Variants in GRIP1 observed in about 807,000 individuals in gnomAD.
GRIP1 encodes the protein glutamate receptor interacting protein 1.
GRIP1 carries 45 observed loss-of-function variants against 129.9 expected under a neutral mutation model. The observed-to-expected ratio is 0.35, with a 90% CI of 0.27 to 0.44. GRIP1 has a LOEUF of 0.44. Ranked by LOEUF, GRIP1 falls within the 20% of genes least tolerant of loss-of-function variation. GRIP1 has a pLI of 1.00. For synonymous variants in GRIP1, 530 were observed against 520.8 expected, an observed-to-expected ratio of 1.02 and a Z score of -0.24; for missense variants, 1,196 against 1,396.8, an observed-to-expected ratio of 0.86 and a Z score of 2.29.
intron 2 of GRIP1, among the ~76,000 whole-genome samples, chr12:66,582,530 C>A (rs1360138886): frequency 3.5e-4 from 51 of 144,244 alleles, no homozygotes; most frequent in Middle Eastern, 3.4e-3. Flanking sequence ...CCAAAATCTC[C>A]TTAAGCTGAT....
intron 1 of GRIP1, among the ~76,000 whole-genome samples, chr12:66,908,490 A>G (rs1305949216): frequency 6.6e-6 from 1 of 152,172 alleles, no homozygotes; most frequent in Non-Finnish European, 1.5e-5. Flanking sequence ...GTCATGGGTG[A>G]CCTTTGTTAG....
rs143304163 is a variant in GRIP1, at chr12:66,493,557, C to T, written c.724+22062G>A. On this transcript the variant is annotated intron_variant, in intron 7 of 24. Coordinates refer to ENST00000359742, the MANE Select transcript of GRIP1 (RefSeq NM_001366722.1). ...CCACTGGAACATATACTACCACTAA[C>T]AGAAATTGAGGGAACTCCTGAAATA... is the stretch of plus-strand genomic sequence containing the variant. Among the ~76,000 whole-genome samples, 92 of 152,204 alleles carry T rather than the reference C, an allele frequency of 6.0e-4. 1 individual carries two copies. The highest frequency in any genetic ancestry group is 2.1e-3 in the African/African-American group (86 of 41,534).
chr12:66,901,843 A>G (rs952660032), intron 1 of GRIP1, among the ~76,000 whole-genome samples: 1 of 152,224 alleles, frequency 6.6e-6, no homozygotes, highest in East Asian at 1.9e-4. Flanking sequence ...ATAATGAACT[A>G]AAGTTCCATT....
At chr12:66,522,938 G>A (rs2061073087) in intron 5 of GRIP1, among the ~76,000 whole-genome samples, 1 of 152,150 alleles carries the variant, frequency 6.6e-6, no homozygotes, top group South Asian at 2.1e-4. Context: ...AGTGATGGAA[G>A]ATGAAATGAA....
chr12:66,718,414 A>C (rs755824995), intron 1 of GRIP1, among the ~76,000 whole-genome samples: 1 of 152,176 alleles, frequency 6.6e-6, no homozygotes, highest in Non-Finnish European at 1.5e-5. Flanking sequence ...ATAAAATTAA[A>C]ATTATTCTAA....
Position 66,464,122 on chromosome 12 carries a change from G to T in GRIP1, c.873-1029C>A, listed in dbSNP as rs1281832271. 2.6e-5 allele frequency among the ~76,000 whole-genome samples: 4 copies of T among 152,168 alleles called. No homozygotes were observed. The East Asian group carries it at 7.7e-4, about 29-fold the overall frequency. On this transcript the variant is annotated intron_variant, in intron 8 of 24. Coordinates refer to ENST00000359742, the MANE Select transcript of GRIP1 (RefSeq NM_001366722.1). ...TACAGGGGAGACTGGTCATTCAGGT[G>T]CAGTATATCTATAAATTCCCAGTGT... is the stretch of plus-strand genomic sequence containing the variant.
intron 7 of GRIP1, among the ~76,000 whole-genome samples, chr12:66,504,739 A>T (rs2060480985): frequency 6.6e-6 from 1 of 152,214 alleles, no homozygotes; most frequent in African/African-American, 2.4e-5. Flanking sequence ...GTGATACTTT[A>T]TCATTTATTT....
intron 1 of GRIP1, among the ~76,000 whole-genome samples, chr12:66,755,855 G>A (rs1400967260): frequency 3.3e-5 from 5 of 152,146 alleles, no homozygotes; most frequent in Non-Finnish European, 7.3e-5. Context: ...TTTCACTGTT[G>A]TGGAGTGTGG....
At chr12:67,066,058 G>T (rs568294664) in intron 1 of GRIP1, among the ~76,000 whole-genome samples, 1 of 152,284 alleles carries the variant, frequency 6.6e-6, no homozygotes, top group African/African-American at 2.4e-5. Context: ...TAGCGTACAT[G>T]GGTGAGTCTT....
chr12:66,821,952 C>T (rs193153161), intron 1 of GRIP1, among the ~76,000 whole-genome samples: 22 of 152,136 alleles, frequency 1.4e-4, no homozygotes, highest in Middle Eastern at 6.8e-3. Flanking sequence ...ATGAGCATAC[C>T]TTGGACCAGA....
At chr12:66,784,702 A>G (rs1363251436) in intron 1 of GRIP1, among the ~76,000 whole-genome samples, 1 of 152,172 alleles carries the variant, frequency 6.6e-6, no homozygotes. Flanking sequence ...TTTTTTAAAA[A>G]CTACTCCCTG....
At chr12:66,604,275 G>A (rs1321032062) in intron 1 of GRIP1, among the ~76,000 whole-genome samples, 4 of 152,192 alleles carry the variant, frequency 2.6e-5, no homozygotes, top group Non-Finnish European at 4.4e-5. Flanking sequence ...CTTTAGCCAG[G>A]TTAATTTGTA....
Position 66,349,096 on chromosome 12 carries a change from C to T in GRIP1, c.3310G>A (p.Glu1104Lys). The change falls in exon 25 of 25, where the codon GAA becomes AAA. Residue 1104 changes from glutamate (E) to lysine (K), a missense_variant. Coordinates refer to ENST00000359742, the MANE Select transcript of GRIP1 (RefSeq NM_001366722.1). ...DQQSLPGDWS[E>K]QNSAFFQQPS... ...TGCTGGAAAAAAGCACTGTTCTGTTCACTCCAATCTCCTGGTAGACTCTGT... is the reference window on the plus strand; with the variant it reads ...TGCTGGAAAAAAGCACTGTTCTGTTTACTCCAATCTCCTGGTAGACTCTGT... 6.2e-7 allele frequency: 1 copy of T among 1,614,118 alleles called. No individual in the cohort carries two copies. The highest frequency in any genetic ancestry group is 8.5e-7 in the Non-Finnish European group (1 of 1,179,966).
At chr12:66,958,303 C>G (rs771138410) in intron 1 of GRIP1, among the ~76,000 whole-genome samples, 3 of 152,086 alleles carry the variant, frequency 2.0e-5, no homozygotes, top group Non-Finnish European at 4.4e-5. Flanking sequence ...CCACACCTGG[C>G]TAATTTTTTT....
At chr12:67,016,889 TTCAA>T (rs1412490067) in intron 1 of GRIP1, among the ~76,000 whole-genome samples, 1 of 152,150 alleles carries the variant, frequency 6.6e-6, no homozygotes, top group Non-Finnish European at 1.5e-5. Context: ...TGCCTAGATG[TTCAA>T]TCAAAGGTTA....
At chr12:66,419,610 A>G (rs969066182) in intron 15 of GRIP1, among the ~76,000 whole-genome samples, 1 of 152,192 alleles carries the variant, frequency 6.6e-6, no homozygotes, top group Non-Finnish European at 1.5e-5. Context: ...AAATAAAAAA[A>G]TGGTAATAAC....
At chr12:66,771,787 T>C (rs962994846) in intron 1 of GRIP1, among the ~76,000 whole-genome samples, 3 of 152,232 alleles carry the variant, frequency 2.0e-5, no homozygotes, top group African/African-American at 7.2e-5. Flanking sequence ...TTACTAGCTC[T>C]GACAAGTGTC....
intron 1 of GRIP1, among the ~76,000 whole-genome samples, chr12:66,930,556 G>A (rs547539698): frequency 2.0e-5 from 3 of 151,752 alleles, no homozygotes; most frequent in East Asian, 1.9e-4. Context: ...GAATAATGCC[G>A]CAATAAACAT....
intron 1 of GRIP1, among the ~76,000 whole-genome samples, chr12:66,712,638 G>A: frequency 6.6e-6 from 1 of 151,966 alleles, no homozygotes; most frequent in East Asian, 1.9e-4. Context: ...TAGTGTTTGT[G>A]GCTGGAACTT....
Sources: gnomAD v4.1 joint callset for allele counts (sites outside exome capture counted in the v4.1 genomes callset) on GRCh38, gnomAD v4.1.1 for gene constraint, MANE v1.5 for transcripts, NCBI Gene and HGNC (gene_info 2026-07-23, HGNC 2026-07-21) for gene names.